Variants in ADAM17 observed in about 807,000 individuals in gnomAD.
ADAM17 encodes the protein ADAM metallopeptidase domain 17.
Under a neutral mutation model 96.7 loss-of-function variants are expected in ADAM17, and 39 were observed. The observed-to-expected ratio is 0.40, with a 90% CI of 0.31 to 0.53. The LOEUF (loss-of-function observed/expected upper bound fraction) is 0.53. Ranked by LOEUF, ADAM17 falls within the 20% of genes least tolerant of loss-of-function variation. The pLI, the probability that ADAM17 is intolerant of heterozygous loss-of-function variation, is 0.44. For missense variants in ADAM17, 777 were observed against 1,013.2 expected (o/e 0.77, Z 3.17); for synonymous variants, 344 against 359.2 (o/e 0.96, Z 0.48).
At chr2:9,501,601 A>C (rs892041267) in intron 13 of ADAM17, among the ~76,000 whole-genome samples, 8 of 152,166 alleles carry the variant, frequency 5.3e-5, no homozygotes, top group Non-Finnish European at 1.2e-4. Context: ...CAACAGTGAA[A>C]TACATATAGA....
chr2:9,502,164 AAC>A lies in ADAM17; in HGVS notation c.1648+7_1648+8del. 6.2e-7 allele frequency: 1 copy of A among 1,611,520 alleles called. No individual in the cohort carries two copies. The highest frequency in any genetic ancestry group is 8.5e-7 in the Non-Finnish European group (1 of 1,177,922). On this transcript the variant is annotated splice_region_variant and intron_variant, in intron 13 of 18. Coordinates refer to ENST00000310823, the MANE Select transcript of ADAM17 (RefSeq NM_003183.6). Reference sequence around the variant, plus strand: ...CACAGCATTCCAAGGAAGCAACAAGAACACGAACCTGTGCAGTAGGACACGCC... The same window carrying A: ...CACAGCATTCCAAGGAAGCAACAAGAACGAACCTGTGCAGTAGGACACGCC...
intron 4 of ADAM17, among the ~76,000 whole-genome samples, chr2:9,529,576 A>T (rs1229248439): frequency 6.6e-6 from 1 of 152,180 alleles, no homozygotes; most frequent in Non-Finnish European, 1.5e-5. Context: ...TGGGGGAGTT[A>T]GGGAGGAAGG....
At chr2:9,535,970 A>C (rs755818749) in intron 3 of ADAM17, 48 bp from the exon 4 acceptor site, 1 of 1,285,832 alleles carries the variant, frequency 7.8e-7, no homozygotes, top group South Asian at 1.5e-5. Flanking sequence ...ACATCAAATA[A>C]GAAACTATGC....
chr2:9,490,186 T>G lies in ADAM17; in HGVS notation c.2466A>C (p.Thr822=). The part of the protein sequence containing the change: ...QRQNRVDSKE[T]EC ...AGAGCTGAGAACTAAATTAGCACTC[T>G]GTTTCTTTGCTGTCAACACGATTCT... The change falls in exon 19 of 19, where the codon ACA becomes ACC. Residue 822 remains threonine, a synonymous_variant. Transcript: ENST00000310823. 3 of 1,593,248 alleles carry G rather than the reference T, an allele frequency of 1.9e-6. No homozygotes were observed. The highest frequency in any genetic ancestry group is 1.7e-6 in the Non-Finnish European group (2 of 1,162,838).
chr2:9,498,350 C>G (rs1662771302), intron 13 of ADAM17, among the ~76,000 whole-genome samples: 1 of 152,104 alleles, frequency 6.6e-6, no homozygotes, highest in African/African-American at 2.4e-5. Flanking sequence ...CCAAAGAAAA[C>G]CCACCAAAGA....
intron 4 of ADAM17, among the ~76,000 whole-genome samples, chr2:9,528,637 C>T (rs544640761): frequency 7.2e-5 from 11 of 152,332 alleles, no homozygotes; most frequent in Non-Finnish European, 1.3e-4. Flanking sequence ...AAGTTATTCT[C>T]TGTAAGAACA....
At chr2:9,504,649 C>A (rs1161524224) in intron 12 of ADAM17, among the ~76,000 whole-genome samples, 1 of 141,804 alleles carries the variant, frequency 7.1e-6, no homozygotes, top group African/African-American at 2.6e-5. Context: ...TGTAGTCCCA[C>A]TACTCAGGAG....
intron 6 of ADAM17, 159 bp from the exon 7 acceptor site, chr2:9,523,497 A>G (rs751199188): frequency 5.0e-6 from 3 of 598,198 alleles, no homozygotes; most frequent in African/African-American, 3.8e-5. Flanking sequence ...ACTGTATCAG[A>G]GTATTCCCAA....
At chr2:9,550,595 A>G (rs1665559119) in intron 1 of ADAM17, among the ~76,000 whole-genome samples, 2 of 151,390 alleles carry the variant, frequency 1.3e-5, no homozygotes, top group African/African-American at 2.4e-5. Context: ...ACAGGCACGC[A>G]CCACCACGCC....
intron 10 of ADAM17, among the ~76,000 whole-genome samples, chr2:9,510,641 G>A (rs1270858487): frequency 1.3e-5 from 2 of 151,012 alleles, no homozygotes; most frequent in Non-Finnish European, 2.9e-5. Flanking sequence ...TCCAGCCTGG[G>A]AGACAGGGCG....
chr2:9,554,681 A>G (rs2125049102), intron 1 of ADAM17, among the ~76,000 whole-genome samples: 1 of 152,324 alleles, frequency 6.6e-6, no homozygotes, highest in Non-Finnish European at 1.5e-5. Flanking sequence ...AGGATTTTAA[A>G]ATACACTAAA....
rs1662435584 is a variant in ADAM17, at chr2:9,494,780, A to G, written c.1784-13T>C. 3 of 1,613,362 alleles carry G rather than the reference A, an allele frequency of 1.9e-6. No individual in the cohort carries two copies. The Admixed American group carries it at 5.0e-5, about 27-fold the overall frequency. ...GAGTTGTCAGTTTCTGGAACAGAGA[A>G]CACGCATTGACAGCTGGATTGTTCT... On this transcript the variant is annotated splice_polypyrimidine_tract_variant and intron_variant, in intron 14 of 18. Transcript: ENST00000310823.
At chr2:9,542,881 A>G (rs1040235056) in intron 2 of ADAM17, among the ~76,000 whole-genome samples, 1 of 152,030 alleles carries the variant, frequency 6.6e-6, no homozygotes, top group African/African-American at 2.4e-5. Context: ...TTTAGTAGAG[A>G]CGGGGTTTTG....
At chr2:9,520,904 C>T (rs551883782) in intron 8 of ADAM17, among the ~76,000 whole-genome samples, 14 of 132,824 alleles carry the variant, frequency 1.1e-4, no homozygotes, top group Admixed American at 2.6e-4. Context: ...ATGGAGGTTG[C>T]GGTGAGCCAA....
Position 9,554,798 on chromosome 2 carries a change from C to T in ADAM17, c.97+711G>A, listed in dbSNP as rs185205897. 5.2e-4 allele frequency among the ~76,000 whole-genome samples: 79 copies of T among 152,290 alleles called. 1 individual carries two copies. The East Asian group carries it at 0.015, about 29-fold the overall frequency. On this transcript the variant is annotated intron_variant, in intron 1 of 18. Transcript: ENST00000310823. ...TAATGAAATAGGAACCCTCTACTTT[C>T]TAGCCTCTAAATTCATCAAACTCGT...
At chr2:9,526,064 C>T (rs762931419) in intron 6 of ADAM17, 47 bp downstream of exon 6, 2 of 1,536,264 alleles carry the variant, frequency 1.3e-6, no homozygotes, top group Middle Eastern at 1.7e-4. Context: ...GGAATGTACC[C>T]ACCCAAATTT....
At chr2:9,536,601 C>A in intron 3 of ADAM17, 97 bp downstream of exon 3, 1 of 1,504,320 alleles carries the variant, frequency 6.6e-7, no homozygotes, top group South Asian at 1.3e-5. Flanking sequence ...GACACCCCGT[C>A]CCCACTATCC....
At chr2:9,507,791 C>A (rs559489874) in intron 11 of ADAM17, among the ~76,000 whole-genome samples, 4 of 152,246 alleles carry the variant, frequency 2.6e-5, no homozygotes, top group African/African-American at 9.6e-5. Flanking sequence ...ACAACCTTGG[C>A]TCACTGCCGC....
At chr2:9,504,795 AT>A (rs1558503169) in intron 12 of ADAM17, among the ~76,000 whole-genome samples, 1 of 151,654 alleles carries the variant, frequency 6.6e-6, no homozygotes, top group East Asian at 1.9e-4. Context: ...TCTTTTAACT[AT>A]AGGACTGCTA....
Sources: gnomAD v4.1 joint callset for allele counts (sites outside exome capture counted in the v4.1 genomes callset) on GRCh38, gnomAD v4.1.1 for gene constraint, MANE v1.5 for transcripts, NCBI Gene and HGNC (gene_info 2026-07-23, HGNC 2026-07-21) for gene names.